The following OSBPL9 variants were observed in gnomAD, a reference collection of about 807,000 sequenced individuals.
The protein encoded by OSBPL9 is oxysterol binding protein like 9, also known as oxysterol-binding protein-related protein 9.
A neutral mutation model predicts 106.6 loss-of-function variants in OSBPL9; 40 were observed. The ratio of observed to expected loss-of-function variants is 0.38; its 90% CI spans 0.29 to 0.49. The LOEUF is 0.49. Ranked by LOEUF, OSBPL9 falls within the 20% of genes least tolerant of loss-of-function variation. The pLI is 0.97. For missense variants in OSBPL9, 609 were observed against 887.2 expected (o/e 0.69, Z 3.98); for synonymous variants, 269 against 295.4 (o/e 0.91, Z 0.92).
rs759291387 is a variant in OSBPL9, at chr1:51,772,693, G to A, written c.1140G>A (p.Ser380=). 66 of 1,613,984 alleles carry A rather than the reference G, an allele frequency of 4.1e-5. No individual in the cohort carries two copies. The highest frequency in any genetic ancestry group is 1.6e-4 in the South Asian group (15 of 91,082). Residue 380 remains serine, a synonymous_variant, in exon 14 of 24, where the codon TCG becomes TCA. Coordinates refer to ENST00000428468, the MANE Select transcript of OSBPL9 (RefSeq NM_024586.6). ...AGAGCGTTATCATGCATCTCTTGTC[G>A]CAGGTTAGACTTGGAATGGATCTTA... ...EHKSVIMHLL[S]QVRLGMDLTK...
chr1:51,559,023 A>G, the OSBPL9 span, among the ~76,000 whole-genome samples: 2 of 152,216 alleles, frequency 1.3e-5, no homozygotes, highest in African/African-American at 4.8e-5. Flanking sequence ...CCACCAAAGA[A>G]AAAAAGGTAA....
At chr1:51,766,615 G>A (rs1672609166) in intron 12 of OSBPL9, among the ~76,000 whole-genome samples, 1 of 152,170 alleles carries the variant, frequency 6.6e-6, no homozygotes, top group Non-Finnish European at 1.5e-5. Flanking sequence ...ACAGTGTTAT[G>A]GAGCAAAAGG....
At chr1:51,658,164 T>C (rs950026311) in intron 2 of OSBPL9, among the ~76,000 whole-genome samples, 4 of 151,816 alleles carry the variant, frequency 2.6e-5, no homozygotes, top group Non-Finnish European at 5.9e-5. Context: ...AGGGCATGTA[T>C]GTAATGAAAT....
chr1:51,744,969 A>C (rs974241062), intron 4 of OSBPL9: 2 of 153,024 alleles, frequency 1.3e-5, no homozygotes, highest in African/African-American at 4.8e-5. Flanking sequence ...AAACTTGATT[A>C]GGACAGGTGT....
intron 3 of OSBPL9, chr1:51,707,864 A>C (rs1658935406): frequency 9.5e-6 from 2 of 210,044 alleles, no homozygotes; most frequent in South Asian, 1.8e-4. Context: ...ACCCAACAAC[A>C]TAGTCAGCAC....
chr1:51,729,994 C>T lies in OSBPL9; in HGVS notation c.319-15542C>T, dbSNP rs1571374157. ...TGGCGAATGGCTTTCTTGCTGGCCA[C>T]TTGCGGAGTGAGTAGACCCCGAGGG... On this transcript the variant is annotated intron_variant, in intron 4 of 23. Transcript: ENST00000428468. This position sits in a 1 kb window ranked among gnomAD's most constrained non-coding sequence, Gnocchi z 5.1. The T allele has an allele frequency of 2.3e-6, 3 of 1,316,852 alleles. No individual in the cohort carries two copies. Among genetic ancestry groups the T allele is most frequent in the African/African-American group, 1.5e-5 (1 of 66,558 alleles). 81.6% of individuals were successfully genotyped at this position (1,316,852 alleles called of 1,614,324 possible).
At chr1:51,520,383 G>A in the OSBPL9 span, among the ~76,000 whole-genome samples, 1 of 152,138 alleles carries the variant, frequency 6.6e-6, no homozygotes, top group Non-Finnish European at 1.5e-5. Context: ...ACTTCAAGAA[G>A]CCTTCTAGGA....
chr1:51,699,300 A>G lies in OSBPL9; in HGVS notation c.242-14703A>G, dbSNP rs893952630. On this transcript the variant is annotated intron_variant, in intron 3 of 23. Coordinates refer to ENST00000428468, the MANE Select transcript of OSBPL9 (RefSeq NM_024586.6). ...CTCGTTTGCTTAGTCTGTCTTTTTT[A>G]CCTGGAATGTCTTCCCTGTCAGTGC... 5.9e-5 allele frequency among the ~76,000 whole-genome samples: 9 copies of G among 151,854 alleles called. No individual in the cohort carries two copies. The East Asian group carries it at 1.5e-3, about 26-fold the overall frequency.
intron 4 of OSBPL9, chr1:51,740,313 T>C: frequency 2.3e-6 from 3 of 1,277,364 alleles, no homozygotes; most frequent in Non-Finnish European, 3.1e-6. Flanking sequence ...ACATAAACTT[T>C]CCAATATTCT....
At chr1:51,753,645 T>C (rs1669733872) in intron 8 of OSBPL9, among the ~76,000 whole-genome samples, 1 of 152,224 alleles carries the variant, frequency 6.6e-6, no homozygotes, top group South Asian at 2.1e-4. Context: ...ATAGCTAATT[T>C]GATACCTTTC....
Position 51,746,694 on chromosome 1 carries a change from T to C in OSBPL9, c.415-16T>C. On this transcript the variant is annotated splice_polypyrimidine_tract_variant and intron_variant, in intron 5 of 23. Coordinates refer to ENST00000428468, the MANE Select transcript of OSBPL9 (RefSeq NM_024586.6). Reference sequence around the variant, plus strand: ...AAAGTGGCTTGATACTATAACCATTTTTTAAAATCTTGTAGCTTTTTGATG... The same window carrying C: ...AAAGTGGCTTGATACTATAACCATTCTTTAAAATCTTGTAGCTTTTTGATG... 6.3e-7 allele frequency: 1 copy of C among 1,592,634 alleles called. No homozygotes were observed. Among genetic ancestry groups the C allele is most frequent in the Non-Finnish European group, 8.6e-7 (1 of 1,166,316 alleles).
rs1557879070 is a variant in OSBPL9 at position 51,785,895 on chromosome 1, C to G, written c.1908+9C>G. On this transcript the variant is annotated intron_variant, in intron 21 of 23. Transcript: ENST00000428468. ...CAAAATATGCAACAGGGGTAAGATCCTCTATTTTGCCACTTGTTTTAGGCT... is the reference window on the plus strand; with the variant it reads ...CAAAATATGCAACAGGGGTAAGATCGTCTATTTTGCCACTTGTTTTAGGCT... 1.9e-6 allele frequency: 3 copies of G among 1,606,936 alleles called. No homozygotes were observed. Among genetic ancestry groups the G allele is most frequent in the Admixed American group, 1.7e-5 (1 of 59,448 alleles).
intron 4 of OSBPL9, among the ~76,000 whole-genome samples, chr1:51,727,056 A>G (rs536553605): frequency 1.1e-4 from 16 of 152,080 alleles, no homozygotes; most frequent in African/African-American, 2.9e-4. Context: ...ATGTAATTGT[A>G]ACATAGAGTA....
chr1:51,760,190 A>C (rs545863197), intron 9 of OSBPL9: 1 of 154,018 alleles, frequency 6.5e-6, no homozygotes, highest in African/African-American at 2.4e-5. Context: ...GGATTTTGGC[A>C]TCCTCGGGGG....
rs1674207964 is a variant in OSBPL9 at position 51,772,742 on chromosome 1, T to G, written c.1170+19T>G. 1 of 1,549,836 alleles carries G rather than the reference T, an allele frequency of 6.5e-7. No individual in the cohort carries two copies. ...TACTAAGGTAAGACCAAATTTGCTG[T>G]AAGTCTGTGTGGGTATGTATGGATT... is the stretch of plus-strand genomic sequence containing the variant. On this transcript the variant is annotated intron_variant, in intron 14 of 23. Coordinates refer to ENST00000428468, the MANE Select transcript of OSBPL9 (RefSeq NM_024586.6).
chr1:51,663,246 A>C (rs1647522666), intron 2 of OSBPL9, among the ~76,000 whole-genome samples: 1 of 152,236 alleles, frequency 6.6e-6, no homozygotes, highest in South Asian at 2.1e-4. Context: ...ATTTATTTAG[A>C]CTGGCAAATC....
chr1:51,650,868 T>C lies in OSBPL9; in HGVS notation c.112-1123T>C, dbSNP rs557787465. ...TTTACTGAATGTAAACATAGCACTT[T>C]TGCATAACATAGGCTTTGCTTGGCT... On this transcript the variant is annotated intron_variant, in intron 1 of 23. Transcript: ENST00000428468. Among the ~76,000 whole-genome samples, 8 of 152,366 alleles carry C rather than the reference T, an allele frequency of 5.3e-5. No individual in the cohort carries two copies. The South Asian group carries it at 1.7e-3, about 32-fold the overall frequency.
At chr1:51,556,838 C>T in the OSBPL9 span, among the ~76,000 whole-genome samples, 1 of 147,792 alleles carries the variant, frequency 6.8e-6, no homozygotes, top group African/African-American at 2.5e-5. Context: ...TATATATATA[C>T]ATATATATGT....
the OSBPL9 span, among the ~76,000 whole-genome samples, chr1:51,533,535 G>A: frequency 2.6e-5 from 4 of 151,160 alleles, no homozygotes; most frequent in Admixed American, 2.6e-4. Flanking sequence ...AAAAAAAGAG[G>A]GAAGTAGATG....
Sources: gnomAD v4.1 joint callset for allele counts (sites outside exome capture counted in the v4.1 genomes callset) on GRCh38, gnomAD v4.1.1 for gene constraint, Gnocchi (gnomAD v3.1) non-coding constraint, MANE v1.5 for transcripts, NCBI Gene and HGNC (gene_info 2026-07-23, HGNC 2026-07-21) for gene names.